DENND4C: variants seen among roughly 807,000 people sequenced by gnomAD.
DENND4C encodes DENN domain-containing protein 4C.
In DENND4C, 108 loss-of-function variants were observed where a neutral mutation model predicts 203.0. The observed-to-expected ratio is 0.53, with a 90% CI of 0.46 to 0.62. DENND4C has a LOEUF of 0.62. DENND4C is among the 20% of genes least tolerant of loss of function. The pLI, the probability that DENND4C is intolerant of heterozygous loss-of-function variation, is 0.00. For synonymous variants in DENND4C, 871 were observed against 792.4 expected (o/e 1.10, Z -1.67); for missense variants, 2,481 against 2,301.2 (o/e 1.08, Z -1.60).
At chr9:19,355,300 G>T (rs935241919) in intron 26 of DENND4C, among the ~76,000 whole-genome samples, 1 of 152,022 alleles carries the variant, frequency 6.6e-6, no homozygotes, top group African/African-American at 2.4e-5. Flanking sequence ...CATTAATTTT[G>T]ATGTCATCCA....
intron 12 of DENND4C, among the ~76,000 whole-genome samples, chr9:19,323,894 T>C (rs992272011): frequency 6.6e-6 from 1 of 152,180 alleles, no homozygotes; most frequent in African/African-American, 2.4e-5. Context: ...AGGTTGAGCT[T>C]CCCTAATCTA....
chr9:19,272,386 C>A (rs1211883598), intron 1 of DENND4C, among the ~76,000 whole-genome samples: 4 of 151,840 alleles, frequency 2.6e-5, no homozygotes, highest in Admixed American at 2.0e-4. Flanking sequence ...CGCCATTGCA[C>A]TCCCGCCTGG....
chr9:19,336,549 A>T, intron 19 of DENND4C, 135 bp downstream of exon 19: 2 of 1,425,420 alleles, frequency 1.4e-6, no homozygotes, highest in Non-Finnish European at 1.9e-6. Flanking sequence ...AGATTGTCTT[A>T]GTCCAAAATT....
At chr9:19,288,718 A>G in intron 4 of DENND4C, 53 bp downstream of exon 4, 1 of 1,007,396 alleles carries the variant, frequency 9.9e-7, no homozygotes, top group Non-Finnish European at 1.3e-6. Context: ...GGTGCATATT[A>G]ACATTTGGCT....
At chr9:19,359,147 A>C (rs1048486127) in intron 28 of DENND4C, among the ~76,000 whole-genome samples, 2 of 151,848 alleles carry the variant, frequency 1.3e-5, no homozygotes, top group Admixed American at 6.6e-5. Context: ...AGAGTTTTCA[A>C]AATAGCGAGT....
intron 4 of DENND4C, 46 bp downstream of exon 4, chr9:19,288,711 G>A: frequency 9.4e-7 from 1 of 1,061,102 alleles, no homozygotes; most frequent in Non-Finnish European, 1.2e-6. Flanking sequence ...AGTTATTGGT[G>A]CATATTAACA....
At chr9:19,247,058 T>C (rs1410873169) in intron 1 of DENND4C, among the ~76,000 whole-genome samples, 1 of 152,208 alleles carries the variant, frequency 6.6e-6, no homozygotes, top group African/African-American at 2.4e-5. Flanking sequence ...CGTAAATTAC[T>C]CTGCCTGTCA....
chr9:19,322,042 T>C (rs529351861), intron 12 of DENND4C, among the ~76,000 whole-genome samples: 1 of 152,284 alleles, frequency 6.6e-6, no homozygotes, highest in African/African-American at 2.4e-5. Flanking sequence ...TTCTATTTAA[T>C]GATCTGCATT....
intron 2 of DENND4C, among the ~76,000 whole-genome samples, chr9:19,279,658 CAG>C (rs1833629780): frequency 6.8e-6 from 1 of 146,990 alleles, no homozygotes; most frequent in South Asian, 2.1e-4. Context: ...GTCTGGGCAA[CAG>C]AGTGAAACTC....
rs764767243 is a variant in DENND4C, at chr9:19,362,738, A to G, written c.5524+775A>G. 9.8e-5 allele frequency among the ~76,000 whole-genome samples: 15 copies of G among 152,328 alleles called. No individual in the cohort carries two copies. In the Middle Eastern group the frequency reaches 0.01, roughly 104 times the overall value. ...AATTTAGATGTGTTGGTATAGGATC[A>G]TAAGTTCAGCTGTATTAATGGTTAC... On this transcript the variant is annotated intron_variant, in intron 30 of 32. Coordinates refer to ENST00000434457, the MANE Select transcript of DENND4C (RefSeq NM_001330640.2).
intron 22 of DENND4C, among the ~76,000 whole-genome samples, chr9:19,344,723 G>C (rs1822424875): frequency 6.6e-6 from 1 of 152,014 alleles, no homozygotes; most frequent in South Asian, 2.1e-4. Flanking sequence ...GGCTGGTCTC[G>C]AGCTCCTGAG....
intron 1 of DENND4C, among the ~76,000 whole-genome samples, chr9:19,236,768 ATCT>A (rs984602842): frequency 7.9e-5 from 12 of 152,174 alleles, no homozygotes; most frequent in African/African-American, 2.2e-4. Flanking sequence ...CTTTAGCCTT[ATCT>A]TCTTGCCCAC....
At chr9:19,319,375 CACAT>C (rs1197624703) in intron 12 of DENND4C, among the ~76,000 whole-genome samples, 75 of 117,594 alleles carry the variant, frequency 6.4e-4, no homozygotes, top group African/African-American at 2.9e-3. Context: ...CATATATATA[CACAT>C]ACATATATAT....
chr9:19,370,177 G>A (rs1828537470), intron 31 of DENND4C, 190 bp downstream of exon 31: 1 of 675,276 alleles, frequency 1.5e-6, no homozygotes, highest in Admixed American at 2.8e-5. Flanking sequence ...GTGTCTGGGG[G>A]CTTGGCACGG....
chr9:19,350,595 A>C, intron 23 of DENND4C, 107 bp from the exon 24 acceptor site: 1 of 900,934 alleles, frequency 1.1e-6, no homozygotes, highest in South Asian at 2.3e-5. Context: ...GGGGATGATG[A>C]TTTGTTTAAG....
intron 10 of DENND4C, among the ~76,000 whole-genome samples, chr9:19,306,664 C>T (rs532343829): frequency 3.0e-4 from 46 of 151,682 alleles, no homozygotes; most frequent in Non-Finnish European, 4.7e-4. Context: ...CTTAATTTTG[C>T]GCAGTTTTGA....
At chr9:19,321,276 A>G (rs564618488) in intron 12 of DENND4C, among the ~76,000 whole-genome samples, 1 of 152,318 alleles carries the variant, frequency 6.6e-6, no homozygotes, top group East Asian at 1.9e-4. Context: ...GGATTAATTG[A>G]TGATAGTGTG....
rs183018594 is a variant in DENND4C at position 19,300,327 on chromosome 9, T to C, written c.1307T>C (p.Val436Ala). The C allele has an allele frequency of 7.0e-6, 11 of 1,573,908 alleles. No individual in the cohort carries two copies. The highest frequency in any genetic ancestry group is 9.5e-6 in the Non-Finnish European group (11 of 1,152,878). ...TTGACTGGGGTAGCTGAAGCTGTTGTAGCTGTAAGTATAGAATTTTCCTTT... is the reference window on the plus strand; with the variant it reads ...TTGACTGGGGTAGCTGAAGCTGTTGCAGCTGTAAGTATAGAATTTTCCTTT... ...AVLTGVAEAV[V>A]AMIFPFQWQC... The change falls in exon 9 of 33, where the codon GTA becomes GCA. Residue 436 changes from valine (V) to alanine (A), a missense_variant. Val to Ala is a moderately conservative substitution (Grantham distance 64). Around this residue, in one of 3 missense-constraint regions of DENND4C, gnomAD observed 2,289 missense variants for 2,113.3 expected, o/e 1.08. Coordinates refer to ENST00000434457, the MANE Select transcript of DENND4C (RefSeq NM_001330640.2).
At position 19,336,274 on chromosome 9, in the gene DENND4C, T is replaced by A; in HGVS notation, c.2594T>A (p.Val865Asp). 1 of 1,611,898 alleles carries A rather than the reference T, an allele frequency of 6.2e-7. No homozygotes were observed. The highest frequency in any genetic ancestry group is 8.5e-7 in the Non-Finnish European group (1 of 1,179,442). Reference protein sequence around the residue: ...AITYGYYNKVVLESPWPSSTR... With the variant: ...AITYGYYNKVDLESPWPSSTR... ...TTACCCTTATTTTACCTTTAGGTAG[T>A]CTTGGAGAGCCCGTGGCCTAGCAGT... Residue 865 changes from valine (V) to aspartate (D), a missense_variant, in exon 19 of 33, where the codon GTC becomes GAC. Coordinates refer to ENST00000434457, the MANE Select transcript of DENND4C (RefSeq NM_001330640.2).
Sources: gnomAD v4.1 joint callset for allele counts (sites outside exome capture counted in the v4.1 genomes callset) on GRCh38, gnomAD v4.1.1 for gene constraint, gnomAD v4.1.1 regional missense constraint, MANE v1.5 for transcripts, NCBI Gene and HGNC (gene_info 2026-07-23, HGNC 2026-07-21) for gene names.